Variants in TTN observed in about 807,000 individuals in gnomAD.
TTN encodes connectin.
In TTN, 1,525 loss-of-function variants were observed where a neutral mutation model predicts 3,223.0. The observed-to-expected ratio is 0.47, with a 90% confidence interval of 0.45 to 0.49. TTN has a LOEUF of 0.49. Among genes scored for constraint, TTN ranks in the 20% least tolerant of loss-of-function variants. The probability of loss-of-function intolerance (pLI) is 0.00; values close to 1 mark genes in which losing one functional copy is unlikely to be tolerated. For synonymous variants in TTN, 14,094 were observed against 15,161.0 expected (o/e 0.93, Z 5.17); for missense variants, 40,786 against 43,424.0 (o/e 0.94, Z 5.40).
Position 178,764,863 on chromosome 2 carries a change from G to A in TTN, c.9704-52C>T, listed in dbSNP as rs145146089. The A allele has an allele frequency of 3.7e-6, 6 of 1,603,696 alleles. No individual in the cohort carries two copies. The East Asian group carries it at 8.9e-5, about 24-fold the overall frequency. Reference sequence around the variant, plus strand: ...CATGAAAAAGTGTAAAAACACAAGAGAGCATGCAAAACTCTACATTAATTT... The same window carrying A: ...CATGAAAAAGTGTAAAAACACAAGAAAGCATGCAAAACTCTACATTAATTT... On this transcript the variant is annotated intron_variant, in intron 41 of 362. Coordinates refer to ENST00000589042, the MANE Select transcript of TTN (RefSeq NM_001267550.2).
chr2:178,731,666 C>G (rs757736646), intron 58 of TTN, 27 bp downstream of exon 58: 8 of 1,586,852 alleles, frequency 5.0e-6, no homozygotes, highest in African/African-American at 1.4e-5. Flanking sequence ...TCAGAAAAGC[C>G]AGTCCCTCAC....
rs1227088008 is a variant in TTN at position 178,677,840 on chromosome 2, C to A, written c.34072G>T (p.Val11358Phe). 1.7e-5 allele frequency: 28 copies of A among 1,612,282 alleles called. No individual in the cohort carries two copies. Among genetic ancestry groups the A allele is most frequent in the East Asian group, 2.2e-5 (1 of 44,862 alleles). ...EEEVLFEEEI[V>F]PEEEVLPEEE... Reference sequence around the variant, plus strand: ...TCAGGTAGAACTTCCTCTTCAGGAACAATTTCTTCTTCAAATAGAACTTCC... The same window carrying A: ...TCAGGTAGAACTTCCTCTTCAGGAAAAATTTCTTCTTCAAATAGAACTTCC... Residue 11358 changes from valine (V) to phenylalanine (F), a missense_variant, in exon 146 of 363, where the codon GTT becomes TTT. By Grantham distance (50) the Val-to-Phe change is conservative (BLOSUM62 -1). Coordinates refer to ENST00000589042, the MANE Select transcript of TTN (RefSeq NM_001267550.2).
At position 178,800,415 on chromosome 2, in the gene TTN, G is replaced by A. The variant is rs1470901624; in HGVS notation, c.563C>T (p.Thr188Ile). Residue 188 changes from threonine to isoleucine, a missense_variant, in exon 4 of 363, where the codon ACT (threonine) becomes ATT (isoleucine). Thr to Ile is a moderately conservative substitution (Grantham distance 89). Transcript: ENST00000589042. ...ATNSVGRATS[T>I]AELLVQGEEE... Reference sequence around the variant, plus strand: ...CGTACCTTGAACCAGTAATTCAGCAGTCGAAGTAGCTCTTCCAACGCTATT... The same window carrying A: ...CGTACCTTGAACCAGTAATTCAGCAATCGAAGTAGCTCTTCCAACGCTATT... 4 of 1,614,018 alleles carry A rather than the reference G, an allele frequency of 2.5e-6. No homozygotes were observed. The highest frequency in any genetic ancestry group is 3.4e-6 in the Non-Finnish European group (4 of 1,180,000).
chr2:178,731,942 G>T lies in TTN; in HGVS notation c.16933C>A (p.Pro5645Thr). The T allele has an allele frequency of 6.2e-7, 1 of 1,608,544 alleles. No homozygotes were observed. The highest frequency in any genetic ancestry group is 8.5e-7 in the Non-Finnish European group (1 of 1,175,784). ...ESPYFTKEFK[P>T]IEVLKEYDVM... is the part of the protein sequence containing the mutation. ...TCGTACTCCTTTAAGACTTCAATTG[G>T]CTTAAATTCCTTGGTAAAATAAGGT... The change falls in exon 58 of 363, where the codon CCA becomes ACA. Residue 5645 changes from proline to threonine, a missense_variant. Transcript: ENST00000589042.
At chr2:178,799,954 C>T (rs756478271) in intron 4 of TTN, 44 bp from the exon 5 acceptor site, 10 of 1,589,940 alleles carry the variant, frequency 6.3e-6, no homozygotes, top group Non-Finnish European at 8.6e-6. Flanking sequence ...GGCACAATGA[C>T]CCATTTTAAA....
Position 178,647,483 on chromosome 2 carries a change from G to T in TTN, c.40058-19C>A, listed in dbSNP as rs1025590877. On this transcript the variant is annotated intron_variant, in intron 213 of 362. Coordinates refer to ENST00000589042, the MANE Select transcript of TTN (RefSeq NM_001267550.2). The stretch of plus-strand genomic sequence containing the variant: ...TTGGGCACTTTAAAGATATGATTTT[G>T]TTTACTATTAAGAATTTAGAAGACA... 1.3e-6 allele frequency: 2 copies of T among 1,548,180 alleles called. No individual in the cohort carries two copies. The highest frequency in any genetic ancestry group is 2.7e-5 in the African/African-American group (2 of 72,914).
chr2:178,623,203 C>T (rs1011805465), intron 242 of TTN, among the ~76,000 whole-genome samples: 15 of 151,834 alleles, frequency 9.9e-5, no homozygotes, highest in African/African-American at 3.4e-4. Context: ...AGATAGAACA[C>T]GTGAAGCACT....
At position 178,531,707 on chromosome 2, in the gene TTN, T is replaced by A; in HGVS notation, c.104908A>T (p.Thr34970Ser). ...TTGTGGTACCATTTAACCTCGGCAG[T>A]TGGCTTAGACTGAACATTTAAAATA... ...RFILNVQSKP[T>S]AEVKWYHNGV... Residue 34970 changes from threonine to serine, a missense_variant, in exon 358 of 363, where the codon ACT becomes TCT. Transcript: ENST00000589042. 6.2e-7 allele frequency: 1 copy of A among 1,614,020 alleles called. No homozygotes were observed. The highest frequency in any genetic ancestry group is 8.5e-7 in the Non-Finnish European group (1 of 1,179,880).
At position 178,609,505 on chromosome 2, in the gene TTN, C is replaced by T. The variant is rs778693629; in HGVS notation, c.51805G>A (p.Ala17269Thr). Reference sequence around the variant, plus strand: ...GGGTAAGGTGATCCAGAAATACTTGCATCAAGTGCTATTTCATCACCTCGT... The same window carrying T: ...GGGTAAGGTGATCCAGAAATACTTGTATCAAGTGCTATTTCATCACCTCGT... ...VKRGDEIALD[A>T]SISGSPYPTI... Residue 17269 changes from alanine to threonine, a missense_variant, in exon 273 of 363, where the codon GCA becomes ACA. Physicochemically the swap from Ala to Thr is moderately conservative, Grantham distance 58 (BLOSUM62 0). Transcript: ENST00000589042. 1.2e-6 allele frequency: 2 copies of T among 1,612,382 alleles called. No individual in the cohort carries two copies. Among genetic ancestry groups the T allele is most frequent in the Non-Finnish European group, 1.7e-6 (2 of 1,179,122 alleles).
At position 178,649,831 on chromosome 2, in the gene TTN, G is replaced by A. The variant is rs1303680057; in HGVS notation, c.39881C>T (p.Ala13294Val). The A allele has an allele frequency of 6.2e-7, 1 of 1,612,452 alleles. No individual in the cohort carries two copies. The highest frequency in any genetic ancestry group is 1.3e-5 in the African/African-American group (1 of 74,784). ...KKVPVIKKPE[A>V]PPPKEPEMPK... is the part of the protein sequence containing the mutation. ...AACATGAGTACCTTTAGGAGGCGGT[G>A]CTTCTGGTTTTTTGATGACAGGAAC... The change falls in exon 211 of 363, where the codon GCA (alanine) becomes GTA (valine). Residue 13294 changes from alanine to valine, a missense_variant. Coordinates refer to ENST00000589042, the MANE Select transcript of TTN (RefSeq NM_001267550.2).
At chr2:178,757,987 C>T (rs2087824455) in intron 44 of TTN, 71 bp from the exon 45 acceptor site, 2 of 1,459,086 alleles carry the variant, frequency 1.4e-6, no homozygotes, top group Non-Finnish European at 9.1e-7. Flanking sequence ...GAGTTGTCTA[C>T]AGATTTGTCA....
intron 99 of TTN, among the ~76,000 whole-genome samples, chr2:178,708,374 G>A (rs2742337): frequency 0.05 from 7,593 of 152,226 alleles, 308 homozygotes; most frequent in East Asian, 0.19. Flanking sequence ...TAGGAGTTGA[G>A]GCTCAGTGTT....
At position 178,603,909 on chromosome 2, in the gene TTN, G is replaced by T; in HGVS notation, c.54778C>A (p.Pro18260Thr). 1 of 1,610,722 alleles carries T rather than the reference G, an allele frequency of 6.2e-7. No homozygotes were observed. Among genetic ancestry groups the T allele is most frequent in the Non-Finnish European group, 8.5e-7 (1 of 1,177,710 alleles). Residue 18260 changes from proline to threonine, a missense_variant, in exon 282 of 363, where the codon CCA becomes ACA. Pro to Thr is a conservative substitution (Grantham distance 38). Coordinates refer to ENST00000589042, the MANE Select transcript of TTN (RefSeq NM_001267550.2). ...NAAGIGPPSE[P>T]SDPEVAGDPI... ...TCTCCTGCAACCTCTGGATCTGATG[G>T]TTCACTGGGAGGACCAATTCCTGCA...
In TTN at chr2:178,582,402, C is replaced by T. The variant is rs727503579; in HGVS notation, c.66054G>A (p.Glu22018=). 34 of 1,612,730 alleles carry T rather than the reference C, an allele frequency of 2.1e-5. No individual in the cohort carries two copies. Among genetic ancestry groups the T allele is most frequent in the Non-Finnish European group, 2.9e-5 (34 of 1,179,346 alleles). ...GATACTCATGGCCCTCTATAAGTTT[C>T]TCCACGCTGCAGCTGGTGATAGGCA... The part of the protein sequence containing the change: ...ATVPITSCSV[E]KLIEGHEYQF... Residue 22018 remains glutamate (E), a synonymous_variant, in exon 314 of 363, where the codon GAG becomes GAA. Coordinates refer to ENST00000589042, the MANE Select transcript of TTN (RefSeq NM_001267550.2).
chr2:178,712,167 A>C lies in TTN; in HGVS notation c.27663T>G (p.Ser9221=). ...CAGCAAGCTGGCATTGTAGAGAGGC[A>C]GAATCTCCAACAGACACCTTAACCG... The part of the protein sequence containing the change: ...LEPVKVSVGD[S]ASLQCQLAGT... Residue 9221 remains serine (S), a synonymous_variant, in exon 96 of 363, where the codon TCT becomes TCG. Transcript: ENST00000589042. The C allele has an allele frequency of 6.2e-7, 1 of 1,613,842 alleles. No individual in the cohort carries two copies. Among genetic ancestry groups the C allele is most frequent in the Admixed American group, 1.7e-5 (1 of 59,998 alleles).
At chr2:178,652,022 T>G in intron 204 of TTN, 55 bp from the exon 205 acceptor site, 1 of 1,610,780 alleles carries the variant, frequency 6.2e-7, no homozygotes, top group Non-Finnish European at 8.5e-7. Flanking sequence ...TGAGATAGTT[T>G]GCAAAAAAAT....
rs765481415 is a variant in TTN, at chr2:178,632,407, C to T, written c.43487G>A (p.Arg14496Gln). 50 of 1,580,052 alleles carry T rather than the reference C, an allele frequency of 3.2e-5. No individual in the cohort carries two copies. Among genetic ancestry groups the T allele is most frequent in the Admixed American group, 3.8e-5 (2 of 52,468 alleles). Residue 14496 changes from arginine to glutamine, a missense_variant, in exon 236 of 363, where the codon CGG (arginine) becomes CAG (glutamine). Coordinates refer to ENST00000589042, the MANE Select transcript of TTN (RefSeq NM_001267550.2). ...TTTGAGAGGGGTGAGGAATTTGAGCCGGATTCCTATCAAGAAAAAAAAGAA... is the reference window on the plus strand; with the variant it reads ...TTTGAGAGGGGTGAGGAATTTGAGCTGGATTCCTATCAAGAAAAAAAAGAA... ...TSGKLIIEGI[R>Q]LKFLTPLKDV...
Position 178,651,548 on chromosome 2 carries a change from A to G in TTN, c.39464-12T>C. 6.2e-7 allele frequency: 1 copy of G among 1,612,684 alleles called. No individual in the cohort carries two copies. The highest frequency in any genetic ancestry group is 8.5e-7 in the Non-Finnish European group (1 of 1,179,346). ...GGGCACCTCGGGCACTATAAAAGAT[A>G]TTAGTAGTTGTTTAAGCTCATGGTT... On this transcript the variant is annotated splice_polypyrimidine_tract_variant and intron_variant, in intron 206 of 362. Coordinates refer to ENST00000589042, the MANE Select transcript of TTN (RefSeq NM_001267550.2).
At chr2:178,688,021 C>A in intron 127 of TTN, 90 bp downstream of exon 127, 2 of 1,026,896 alleles carry the variant, frequency 1.9e-6, no homozygotes, top group Non-Finnish European at 2.9e-6. Flanking sequence ...TCACTTTTTT[C>A]TGTCTCTTTT....
Sources: allele counts gnomAD v4.1 joint callset (sites outside exome capture counted in the v4.1 genomes callset), GRCh38; gene constraint gnomAD v4.1.1; transcripts MANE v1.5; gene names NCBI Gene and HGNC (gene_info 2026-07-23, HGNC 2026-07-21).